Variants in NEBL observed in about 807,000 individuals in gnomAD.
The protein encoded by NEBL is nebulette, also known as LIM and SH3 protein 2.
A neutral mutation model predicts 140.2 loss-of-function variants in NEBL; 122 were observed. The observed-to-expected ratio is 0.87, with a 90% CI of 0.75 to 1.01. The LOEUF is 1.01. NEBL is among the 50% of genes least tolerant of loss of function. The pLI is 0.00. For missense variants in NEBL, 1,365 were observed against 1,231.3 expected (o/e 1.11, Z -1.62); for synonymous variants, 436 against 398.9 (o/e 1.09, Z -1.11).
rs927068299 is a variant in NEBL, at chr10:20,939,973, C to T, written c.357+21699G>A. ...ACCCAGAAAGAGAATTAGACTCCCA[C>T]ACAATAATAATGGGAGACTTTAACA... On this transcript the variant is annotated intron_variant, in intron 4 of 6. Coordinates refer to the NEBL transcript ENST00000417816. 8.6e-4 allele frequency among the ~76,000 whole-genome samples: 131 copies of T among 151,492 alleles called. 1 individual carries two copies. The highest frequency in any genetic ancestry group is 3.0e-3 in the African/African-American group (125 of 41,346).
chr10:21,041,745 T>G (rs890909483), intron 2 of NEBL, among the ~76,000 whole-genome samples: 1 of 152,290 alleles, frequency 6.6e-6, no homozygotes, highest in East Asian at 1.9e-4. Context: ...CTGAGTATAC[T>G]TATAGTTATT....
At chr10:21,214,551 A>G (rs1032579893) in intron 3 of NEBL, among the ~76,000 whole-genome samples, 1 of 151,260 alleles carries the variant, frequency 6.6e-6, no homozygotes, top group African/African-American at 2.4e-5. Context: ...ACATGCACAC[A>G]CATGTGCACA....
chr10:20,796,225 T>C (rs1836506192), intron 26 of NEBL, among the ~76,000 whole-genome samples: 1 of 151,566 alleles, frequency 6.6e-6, no homozygotes, highest in Admixed American at 6.6e-5. Context: ...TAGCAGGGCG[T>C]AGTGGTGGGC....
intron 2 of NEBL, among the ~76,000 whole-genome samples, chr10:21,084,978 GAAA>G (rs1161892160): frequency 6.6e-6 from 1 of 152,156 alleles, no homozygotes; most frequent in Non-Finnish European, 1.5e-5. Context: ...GGTTAGTGCG[GAAA>G]AATGTGAAAG....
In NEBL at chr10:21,230,605, T is replaced by TCTC. The variant is rs773444131; in HGVS notation, n.348+17315_348+17316insGAG. ...TAAGATCATCTGCAAACTGGAAACC[T>TCTC]TTTTTTTTTTTTTTTTTGAGACAGG... On this transcript the variant is annotated intron_variant and non_coding_transcript_variant, in intron 3 of 8. Coordinates refer to the NEBL transcript ENST00000675702. Among the ~76,000 whole-genome samples the TCTC allele has an allele frequency of 7.6e-4, 96 of 126,594 alleles. 1 individual carries two copies. Among genetic ancestry groups the TCTC allele is most frequent in the South Asian group, 7.5e-3 (32 of 4,272 alleles). The allele number at this position is 126,594 out of a possible 152,430, so 83.1% of individuals were successfully genotyped here. A position where few individuals can be genotyped will look rare whatever the true frequency, so the allele number is the denominator to read the frequency against.
chr10:21,216,902 C>T lies in NEBL; in HGVS notation n.348+31019G>A, dbSNP rs577729336. Reference sequence around the variant, plus strand: ...ACTTGGGAGGCTGAGGCAGGAGAATCGCTTGAACCCAGAAGGTGGAGGTTG... The same window carrying T: ...ACTTGGGAGGCTGAGGCAGGAGAATTGCTTGAACCCAGAAGGTGGAGGTTG... On this transcript the variant is annotated intron_variant and non_coding_transcript_variant, in intron 3 of 8. Coordinates refer to the NEBL transcript ENST00000675702. Among the ~76,000 whole-genome samples, 22 of 151,486 alleles carry T rather than the reference C, an allele frequency of 1.5e-4. No individual in the cohort carries two copies. The East Asian group carries it at 4.3e-3, about 29-fold the overall frequency.
chr10:21,006,939 A>G (rs1431216950), intron 3 of NEBL, among the ~76,000 whole-genome samples: 1 of 152,162 alleles, frequency 6.6e-6, no homozygotes, highest in Non-Finnish European at 1.5e-5. Flanking sequence ...GGAAAGAAAA[A>G]CAGAAAGAGC....
At chr10:21,050,522 AAAG>A (rs1206899208) in intron 2 of NEBL, among the ~76,000 whole-genome samples, 1 of 152,220 alleles carries the variant, frequency 6.6e-6, no homozygotes, top group Admixed American at 6.5e-5. Flanking sequence ...CTTTGTCTGC[AAAG>A]AAGCAGATGT....
chr10:21,244,631 G>A (rs1218500644), intron 3 of NEBL, among the ~76,000 whole-genome samples: 1 of 150,498 alleles, frequency 6.6e-6, no homozygotes, highest in South Asian at 2.1e-4. Flanking sequence ...CAGCCTGGGC[G>A]AAAAGAGCAA....
intron 2 of NEBL, among the ~76,000 whole-genome samples, chr10:21,060,568 T>C (rs187610548): frequency 9.9e-5 from 15 of 152,272 alleles, no homozygotes; most frequent in African/African-American, 3.6e-4. Context: ...TACTGGCTCA[T>C]ATATTTTAAA....
At chr10:21,006,676 C>G (rs1254982510) in intron 3 of NEBL, among the ~76,000 whole-genome samples, 1 of 152,178 alleles carries the variant, frequency 6.6e-6, no homozygotes, top group Non-Finnish European at 1.5e-5. Context: ...TGGCTTTCAC[C>G]AAATTTCCAC....
chr10:20,872,464 G>T (rs1389178455), intron 5 of NEBL, among the ~76,000 whole-genome samples: 1 of 152,090 alleles, frequency 6.6e-6, no homozygotes. Flanking sequence ...CTCCAAGGGT[G>T]TCTGAATATA....
intron 3 of NEBL, among the ~76,000 whole-genome samples, chr10:21,197,274 T>C (rs952274637): frequency 3.0e-4 from 45 of 152,214 alleles, no homozygotes; most frequent in African/African-American, 1.1e-3. Context: ...AGCTGGCATT[T>C]GTATATTTAA....
At chr10:21,253,801 C>A (rs1842620137) in intron 1 of NEBL, among the ~76,000 whole-genome samples, 2 of 152,200 alleles carry the variant, frequency 1.3e-5, no homozygotes, top group South Asian at 4.1e-4. Context: ...ACCTTGGTCT[C>A]CCAAAGTACT....
chr10:20,972,560 T>C (rs1231551782), intron 3 of NEBL, among the ~76,000 whole-genome samples: 1 of 151,964 alleles, frequency 6.6e-6, no homozygotes, highest in East Asian at 1.9e-4. Context: ...CTGGCCAACA[T>C]GGTGAAACCC....
chr10:21,291,863 G>A (rs529213729), intron 1 of NEBL, among the ~76,000 whole-genome samples: 21 of 150,876 alleles, frequency 1.4e-4, no homozygotes, highest in African/African-American at 4.6e-4. Context: ...CTGAGATCAC[G>A]CCACTGCACT....
intron 4 of NEBL, among the ~76,000 whole-genome samples, chr10:20,927,928 T>C (rs775957110): frequency 5.3e-5 from 8 of 152,214 alleles, no homozygotes; most frequent in Non-Finnish European, 1.2e-4. Context: ...CCAACAGAGA[T>C]ACAATGTGAG....
chr10:21,115,485 T>G (rs1838240858), intron 2 of NEBL, among the ~76,000 whole-genome samples: 1 of 152,082 alleles, frequency 6.6e-6, no homozygotes, highest in Non-Finnish European at 1.5e-5. Flanking sequence ...AGGTCTTTAT[T>G]TCATCTATTC....
intron 4 of NEBL, among the ~76,000 whole-genome samples, chr10:20,933,143 TC>T (rs981832793): frequency 1.3e-5 from 2 of 152,114 alleles, no homozygotes; most frequent in African/African-American, 2.4e-5. Context: ...GAACTGGGGA[TC>T]CCCAGCAATG....
Sources: gnomAD v4.1 joint callset for allele counts (sites outside exome capture counted in the v4.1 genomes callset) on GRCh38, gnomAD v4.1.1 for gene constraint, MANE v1.5 for transcripts, NCBI Gene and HGNC (gene_info 2026-07-23, HGNC 2026-07-21) for gene names.